CDC42SE2: variants seen among roughly 807,000 people sequenced by gnomAD.
The protein encoded by CDC42SE2 is CDC42 small effector protein 2.
Under a neutral mutation model 11.5 loss-of-function variants are expected in CDC42SE2, and 3 were observed. That is an observed-to-expected ratio of 0.26 (90% CI 0.12 to 0.67). The LOEUF (loss-of-function observed/expected upper bound fraction) is 0.67, where lower values mean the gene tolerates loss of function less well. Among genes scored for constraint, CDC42SE2 ranks in the 30% least tolerant of loss-of-function variants. The probability of loss-of-function intolerance (pLI) is 0.80; values close to 1 mark genes in which losing one functional copy is unlikely to be tolerated. For missense variants in CDC42SE2, 82 were observed against 106.8 expected (o/e 0.77, Z 1.02); for synonymous variants, 33 against 34.8 (o/e 0.95, Z 0.18).
chr5:131,362,720 G>C (rs1383512055), intron 3 of CDC42SE2, among the ~76,000 whole-genome samples: 1 of 152,130 alleles, frequency 6.6e-6, no homozygotes, highest in Admixed American at 6.6e-5. Context: ...GGGTATAATA[G>C]AGCCCCAATG....
Position 131,254,363 on chromosome 5 carries a change from G to A in CDC42SE2, n.108-732G>A, listed in dbSNP as rs370880539. 4.6e-5 allele frequency among the ~76,000 whole-genome samples: 7 copies of A among 152,156 alleles called. No homozygotes were observed. The South Asian group carries it at 6.2e-4, about 14-fold the overall frequency. On this transcript the variant is annotated intron_variant and non_coding_transcript_variant, in intron 1 of 3. Transcript: ENST00000502840. The stretch of plus-strand genomic sequence containing the variant: ...TCAAGACCAGCCTGGCCAACATGGC[G>A]AAACTCCATCTCTACTAAAAATAAA...
intron 3 of CDC42SE2, among the ~76,000 whole-genome samples, chr5:131,359,945 C>G (rs556061501): frequency 2.2e-4 from 33 of 152,156 alleles, no homozygotes; most frequent in African/African-American, 7.7e-4. Context: ...TCAGAGCAAC[C>G]CTCTGAGGAA....
At chr5:131,274,802 A>C (rs1182798768) in intron 1 of CDC42SE2, among the ~76,000 whole-genome samples, 1 of 152,148 alleles carries the variant, frequency 6.6e-6, no homozygotes, top group Non-Finnish European at 1.5e-5. Context: ...GTGTTGCTTT[A>C]GTGCTAGTAG....
chr5:131,264,070 CTGGGGAGCGCAGCTGCAGGCGT>C lies in CDC42SE2; in HGVS notation c.-545_-524del, dbSNP rs1340268997. On this transcript the variant is annotated 5_prime_UTR_variant, in exon 1 of 5. Coordinates refer to ENST00000505065, the MANE Select transcript of CDC42SE2 (RefSeq NM_001375635.1). ...GGGGAGCCAGGAAGCTGCGAGCGCGCTGGGGAGCGCAGCTGCAGGCGTTGGGGCGGCAGGAGCCGCGGAGCCG... is the reference window on the plus strand; with the variant it reads ...GGGGAGCCAGGAAGCTGCGAGCGCGCTGGGGCGGCAGGAGCCGCGGAGCCG... The C allele has an allele frequency of 6.6e-6, 1 of 152,018 alleles. No homozygotes were observed. Among genetic ancestry groups the C allele is most frequent in the Non-Finnish European group, 1.5e-5 (1 of 68,024 alleles). 9.4% of individuals were successfully genotyped at this position (152,018 alleles called of 1,614,324 possible). A position where few individuals can be genotyped will look rare whatever the true frequency, so the allele number is the denominator to read the frequency against.
the CDC42SE2 span, among the ~76,000 whole-genome samples, chr5:131,238,428 G>C: frequency 9.9e-5 from 15 of 151,026 alleles, no homozygotes; most frequent in African/African-American, 3.7e-4. Flanking sequence ...GTGTGAACCC[G>C]GGAGGCAGAG....
intron 3 of CDC42SE2, among the ~76,000 whole-genome samples, chr5:131,360,384 T>G (rs920168143): frequency 6.6e-6 from 1 of 152,226 alleles, no homozygotes; most frequent in East Asian, 1.9e-4. Flanking sequence ...CCTCCCAAAA[T>G]GCTGGGATTA....
At chr5:131,368,201 C>T (rs896149994) in intron 3 of CDC42SE2, among the ~76,000 whole-genome samples, 2 of 148,074 alleles carry the variant, frequency 1.4e-5, no homozygotes, top group Non-Finnish European at 3.0e-5. Context: ...TGCAATGAGC[C>T]GAGATTGCGC....
the CDC42SE2 span, among the ~76,000 whole-genome samples, chr5:131,216,552 G>A: frequency 6.7e-6 from 1 of 148,410 alleles, no homozygotes; most frequent in Admixed American, 6.7e-5. Context: ...AAGTGTAACT[G>A]TCATAAGGGT....
chr5:131,294,221 G>A (rs1471422302), intron 1 of CDC42SE2, among the ~76,000 whole-genome samples: 1 of 152,068 alleles, frequency 6.6e-6, no homozygotes, highest in East Asian at 1.9e-4. Flanking sequence ...GCTTCACAGA[G>A]TATATCCAAT....
chr5:131,278,867 C>G (rs910972680), intron 1 of CDC42SE2, among the ~76,000 whole-genome samples: 3 of 139,522 alleles, frequency 2.2e-5, no homozygotes, highest in Non-Finnish European at 3.1e-5. Context: ...TCACTGCAAC[C>G]TCTGCCTCCT....
chr5:131,325,140 A>G (rs1758269675), intron 2 of CDC42SE2, among the ~76,000 whole-genome samples: 1 of 152,188 alleles, frequency 6.6e-6, no homozygotes. Flanking sequence ...ATTGCAAGAA[A>G]ACATTTTTGT....
At chr5:131,367,760 CT>C (rs1226563094) in intron 3 of CDC42SE2, among the ~76,000 whole-genome samples, 1 of 151,978 alleles carries the variant, frequency 6.6e-6, no homozygotes, top group African/African-American at 2.4e-5. Context: ...AACAAAGTAC[CT>C]TTTTTGGCTT....
At chr5:131,382,731 C>A (rs190492192) in intron 3 of CDC42SE2, among the ~76,000 whole-genome samples, 4 of 152,292 alleles carry the variant, frequency 2.6e-5, no homozygotes, top group African/African-American at 7.2e-5. Context: ...TCCTGTGGAA[C>A]TGTGACAAGA....
At chr5:131,315,802 T>C (rs1758028938) in intron 1 of CDC42SE2, among the ~76,000 whole-genome samples, 174 bp from the exon 2 acceptor site, 1 of 152,192 alleles carries the variant, frequency 6.6e-6, no homozygotes, top group Non-Finnish European at 1.5e-5. Context: ...GTGTGTTAAC[T>C]GTGTATAATA....
the CDC42SE2 span, among the ~76,000 whole-genome samples, chr5:131,236,874 CTTAT>C: frequency 1.3e-5 from 2 of 152,156 alleles, no homozygotes; most frequent in African/African-American, 4.8e-5. Flanking sequence ...TATTATTTCA[CTTAT>C]TTGTCTGTTT....
intron 2 of CDC42SE2, among the ~76,000 whole-genome samples, chr5:131,358,395 C>T (rs908873683): frequency 3.3e-5 from 5 of 152,064 alleles, no homozygotes; most frequent in African/African-American, 9.7e-5. Context: ...TCTCTTTTGC[C>T]GCTGCTTGTC....
the CDC42SE2 span, among the ~76,000 whole-genome samples, chr5:131,237,562 A>AT: frequency 7.2e-5 from 11 of 151,778 alleles, no homozygotes; most frequent in Non-Finnish European, 1.2e-4. Flanking sequence ...CATACATCAC[A>AT]TTTTTTTTGC....
chr5:131,273,523 C>T (rs188482179), intron 1 of CDC42SE2, among the ~76,000 whole-genome samples: 1 of 150,028 alleles, frequency 6.7e-6, no homozygotes, highest in Admixed American at 6.6e-5. Flanking sequence ...GTAATCCCAG[C>T]ACTTTGGGAG....
At chr5:131,235,785 G>C in the CDC42SE2 span, among the ~76,000 whole-genome samples, 2 of 151,856 alleles carry the variant, frequency 1.3e-5, no homozygotes, top group Admixed American at 1.3e-4. Context: ...AGTAGAAATG[G>C]GGTTTCACTA....
Sources: gnomAD v4.1 joint callset for allele counts (sites outside exome capture counted in the v4.1 genomes callset) on GRCh38, gnomAD v4.1.1 for gene constraint, MANE v1.5 for transcripts, NCBI Gene and HGNC (gene_info 2026-07-23, HGNC 2026-07-21) for gene names.